The following SLC17A8 variants were observed in gnomAD, a reference collection of about 807,000 sequenced individuals.
SLC17A8 encodes solute carrier family 17 member 8, also known as vesicular glutamate transporter 3.
A neutral mutation model predicts 58.0 loss-of-function variants in SLC17A8; 31 were observed. The ratio of observed to expected loss-of-function variants is 0.53; its 90% CI spans 0.40 to 0.72. The LOEUF (loss-of-function observed/expected upper bound fraction) is 0.72. Among genes scored for constraint, SLC17A8 ranks in the 30% least tolerant of loss-of-function variants. The pLI is 0.00. For synonymous variants in SLC17A8, 228 were observed against 249.0 expected (o/e 0.92, Z 0.79); for missense variants, 655 against 727.8 (o/e 0.90, Z 1.15).
chr12:100,376,173 A>G (rs1355616130), intron 1 of SLC17A8, among the ~76,000 whole-genome samples: 1 of 152,196 alleles, frequency 6.6e-6, no homozygotes, highest in East Asian at 1.9e-4. Flanking sequence ...TGGATCTCAG[A>G]TTTCTGGCTC....
chr12:100,391,056 T>C lies in SLC17A8; in HGVS notation c.410T>C (p.Phe137Ser), dbSNP rs1952712328. 6.2e-7 allele frequency: 1 copy of C among 1,613,952 alleles called. No individual in the cohort carries two copies. Among genetic ancestry groups the C allele is most frequent in the African/African-American group, 1.3e-5 (1 of 74,904 alleles). Residue 137 changes from phenylalanine to serine, a missense_variant, in exon 3 of 12, where the codon TTC (phenylalanine) becomes TCC (serine). Coordinates refer to ENST00000323346, the MANE Select transcript of SLC17A8 (RefSeq NM_139319.3). ...ETVGLIHGSF[F>S]WGYIMTQIPG... The stretch of plus-strand genomic sequence containing the variant: ...GTGGGCCTTATCCATGGATCTTTTT[T>C]CTGGGGCTATATTATGACACAAATT...
At chr12:100,409,690 A>T (rs536622626) in intron 9 of SLC17A8, among the ~76,000 whole-genome samples, 30 of 152,310 alleles carry the variant, frequency 2.0e-4, no homozygotes, top group Admixed American at 5.2e-4. Flanking sequence ...GCACTATTTA[A>T]TCTGGACTTT....
chr12:100,361,532 C>A (rs1386846654), intron 1 of SLC17A8, among the ~76,000 whole-genome samples: 1 of 152,214 alleles, frequency 6.6e-6, no homozygotes, highest in Non-Finnish European at 1.5e-5. Flanking sequence ...TCTTCTCTGT[C>A]CCTCTTTCCT....
Position 100,420,129 on chromosome 12 carries a change from T to C in SLC17A8, c.1740T>C (p.Asn580=), listed in dbSNP as rs1367365005. The part of the protein sequence containing the change: ...LDEEELTSYQ[N]EERNFSTIS ...AGGAAGAGCTGACATCCTACCAGAA[T>C]GAAGAGAGAAACTTCTCAACTATAT... The change falls in exon 12 of 12, where the codon AAT becomes AAC. Residue 580 remains asparagine, a synonymous_variant. Transcript: ENST00000323346. 4 of 1,613,604 alleles carry C rather than the reference T, an allele frequency of 2.5e-6. No homozygotes were observed. The highest frequency in any genetic ancestry group is 3.4e-6 in the Non-Finnish European group (4 of 1,179,868).
chr12:100,382,361 T>A (rs557862885), intron 2 of SLC17A8, among the ~76,000 whole-genome samples: 1 of 152,336 alleles, frequency 6.6e-6, no homozygotes. Context: ...AATAGTATTG[T>A]TTTAGGAATC....
At position 100,420,116 on chromosome 12, in the gene SLC17A8, C is replaced by T; in HGVS notation, c.1727C>T (p.Thr576Ile). 6.2e-7 allele frequency: 1 copy of T among 1,613,928 alleles called. No homozygotes were observed. The highest frequency in any genetic ancestry group is 8.5e-7 in the Non-Finnish European group (1 of 1,179,914). The change falls in exon 12 of 12, where the codon ACA becomes ATA. Residue 576 changes from threonine to isoleucine, a missense_variant. Coordinates refer to ENST00000323346, the MANE Select transcript of SLC17A8 (RefSeq NM_139319.3). ...RGATLDEEEL[T>I]SYQNEERNFS... ...GCGACCCTTGATGAGGAAGAGCTGACATCCTACCAGAATGAAGAGAGAAAC... is the reference window on the plus strand; with the variant it reads ...GCGACCCTTGATGAGGAAGAGCTGATATCCTACCAGAATGAAGAGAGAAAC...
intron 2 of SLC17A8, among the ~76,000 whole-genome samples, chr12:100,384,674 T>C (rs1294485911): frequency 5.3e-5 from 8 of 152,140 alleles, no homozygotes; most frequent in Non-Finnish European, 8.8e-5. Context: ...ATGTGTGCAG[T>C]CTGCACCCAG....
chr12:100,374,118 A>G (rs1952577926), intron 1 of SLC17A8, among the ~76,000 whole-genome samples: 1 of 152,058 alleles, frequency 6.6e-6, no homozygotes, highest in African/African-American at 2.4e-5. Context: ...ACAGAAGAGG[A>G]TATGTGAGAT....
chr12:100,415,638 C>A (rs138295024), intron 10 of SLC17A8, among the ~76,000 whole-genome samples: 1 of 152,104 alleles, frequency 6.6e-6, no homozygotes. Context: ...CGATGTTGCC[C>A]AAGCTGGTCT....
At chr12:100,365,159 A>T (rs907646404) in intron 1 of SLC17A8, among the ~76,000 whole-genome samples, 2 of 152,206 alleles carry the variant, frequency 1.3e-5, no homozygotes, top group Non-Finnish European at 2.9e-5. Flanking sequence ...CAGGTCTGAT[A>T]GAACCTAGCT....
At chr12:100,396,693 T>TA (rs1195134443) in intron 5 of SLC17A8, among the ~76,000 whole-genome samples, 1 of 151,984 alleles carries the variant, frequency 6.6e-6, no homozygotes. Flanking sequence ...GAGGCTGCAT[T>TA]AAGCTATGAT....
chr12:100,375,396 C>CT (rs1168379894), intron 1 of SLC17A8, among the ~76,000 whole-genome samples: 1 of 152,116 alleles, frequency 6.6e-6, no homozygotes, highest in Non-Finnish European at 1.5e-5. Flanking sequence ...GGTGGGAAGA[C>CT]TTTCAGACTA....
At position 100,402,492 on chromosome 12, in the gene SLC17A8, A is replaced by C. The variant is rs753632695; in HGVS notation, c.903+13A>C. 62 of 1,613,940 alleles carry C rather than the reference A, an allele frequency of 3.8e-5. No individual in the cohort carries two copies. The South Asian group carries it at 6.6e-4, about 17-fold the overall frequency. On this transcript the variant is annotated intron_variant, in intron 7 of 11. Transcript: ENST00000323346. Reference sequence around the variant, plus strand: ...GGTTAGTCTAAGTGTAAGTATAAAAAGTCAGATGAAGACTTACCTTTTTTC... The same window carrying C: ...GGTTAGTCTAAGTGTAAGTATAAAACGTCAGATGAAGACTTACCTTTTTTC...
At position 100,420,051 on chromosome 12, in the gene SLC17A8, T is replaced by C; in HGVS notation, c.1662T>C (p.Asn554=). The C allele has an allele frequency of 6.2e-7, 1 of 1,614,104 alleles. No homozygotes were observed. Among genetic ancestry groups the C allele is most frequent in the Non-Finnish European group, 8.5e-7 (1 of 1,180,000 alleles). The change falls in exon 12 of 12, where the codon AAT becomes AAC. Residue 554 remains asparagine, a synonymous_variant. Transcript: ENST00000323346. Reference sequence around the variant, plus strand: ...TGTCTTATGGAGCCACCTCCCAGAATTGTGAAGTCCAGAAGAAGGAATGGA... The same window carrying C: ...TGTCTTATGGAGCCACCTCCCAGAACTGTGAAGTCCAGAAGAAGGAATGGA... ...KKMSYGATSQ[N]CEVQKKEWKG...
intron 5 of SLC17A8, 118 bp downstream of exon 5, chr12:100,396,535 G>A (rs1952755539): frequency 1.3e-6 from 1 of 753,892 alleles, no homozygotes; most frequent in Middle Eastern, 2.9e-4. Context: ...GATCCCTGGA[G>A]CCCAGGAGTT....
At chr12:100,376,163 T>A (rs1457130921) in intron 1 of SLC17A8, among the ~76,000 whole-genome samples, 1 of 152,210 alleles carries the variant, frequency 6.6e-6, no homozygotes, top group Admixed American at 6.5e-5. Context: ...TGCTGAAACC[T>A]GGATCTCAGA....
At chr12:100,385,952 C>T (rs1040428599) in intron 2 of SLC17A8, among the ~76,000 whole-genome samples, 5 of 152,196 alleles carry the variant, frequency 3.3e-5, no homozygotes, top group East Asian at 3.9e-4. Context: ...CCTCGGTGTG[C>T]GACAATGTCA....
chr12:100,376,200 T>C (rs1952593785), intron 1 of SLC17A8, among the ~76,000 whole-genome samples: 1 of 152,146 alleles, frequency 6.6e-6, no homozygotes, highest in Admixed American at 6.5e-5. Flanking sequence ...TGTAGGAAAA[T>C]ACATTTCTGT....
chr12:100,373,716 C>G (rs1448546526), intron 1 of SLC17A8, among the ~76,000 whole-genome samples: 1 of 151,610 alleles, frequency 6.6e-6, no homozygotes, highest in East Asian at 1.9e-4. Context: ...TCCCGAGTAG[C>G]TGGGATTACA....
Sources: allele counts gnomAD v4.1 joint callset (sites outside exome capture counted in the v4.1 genomes callset), GRCh38; gene constraint gnomAD v4.1.1; transcripts MANE v1.5; gene names NCBI Gene and HGNC (gene_info 2026-07-23, HGNC 2026-07-21).